Variants in PCNX4 observed in about 807,000 individuals in gnomAD.
PCNX4 encodes pecanex 4.
PCNX4 carries 103 observed loss-of-function variants against 107.2 expected under a neutral mutation model. That is an observed-to-expected ratio of 0.96 (90% CI 0.82 to 1.13). The LOEUF is 1.13. PCNX4 is among the 50% of genes most tolerant of loss of function. The pLI is 0.00. For missense variants in PCNX4, 1,528 were observed against 1,379.4 expected (o/e 1.11, Z -1.71); for synonymous variants, 541 against 481.7 (o/e 1.12, Z -1.61).
chr14:60,092,238 T>G lies in PCNX4; in HGVS notation c.-235T>G, dbSNP rs1179761383. On this transcript the variant is annotated 5_prime_UTR_variant, in exon 1 of 11. It removes an upstream start codon present in the reference 5' UTR. Coordinates refer to ENST00000406854, the MANE Select transcript of PCNX4 (RefSeq NM_001330177.2). ...CGGCCGCCGGAGTAGACGTTAGCCA[T>G]GGAAACCGAGAGCTGGCCCGGGCGG... The G allele has an allele frequency of 6.6e-6, 1 of 152,242 alleles. No homozygotes were observed. The highest frequency in any genetic ancestry group is 1.5e-5 in the Non-Finnish European group (1 of 68,050). The allele number at this position is 152,242 out of a possible 1,614,324, so 9.4% of individuals were successfully genotyped here.
At chr14:60,119,927 C>T (rs780750196) in intron 7 of PCNX4, among the ~76,000 whole-genome samples, 6 of 152,102 alleles carry the variant, frequency 3.9e-5, no homozygotes, top group Non-Finnish European at 7.4e-5. Context: ...TTTGTACAAC[C>T]ACTTTGAAGA....
intron 2 of PCNX4, among the ~76,000 whole-genome samples, chr14:60,112,094 C>T (rs375992584): frequency 6.6e-6 from 1 of 152,078 alleles, no homozygotes; most frequent in Non-Finnish European, 1.5e-5. Flanking sequence ...ATTTTCCTTC[C>T]CCATTCTTTA....
At position 60,125,623 on chromosome 14, in the gene PCNX4, T is replaced by C; in HGVS notation, c.3081-14T>C. On this transcript the variant is annotated splice_polypyrimidine_tract_variant and intron_variant, in intron 9 of 10. Coordinates refer to ENST00000406854, the MANE Select transcript of PCNX4 (RefSeq NM_001330177.2). Reference sequence around the variant, plus strand: ...CAAATATTCTAAAATTCTTCGGTTCTCCATTTTTTTTAGGTATACTCTGAA... The same window carrying C: ...CAAATATTCTAAAATTCTTCGGTTCCCCATTTTTTTTAGGTATACTCTGAA... The C allele has an allele frequency of 6.9e-7, 1 of 1,445,022 alleles. No individual in the cohort carries two copies. The highest frequency in any genetic ancestry group is 9.1e-7 in the Non-Finnish European group (1 of 1,094,348). 89.5% of individuals were successfully genotyped at this position (1,445,022 alleles called of 1,614,324 possible).
At chr14:60,121,141 A>G in intron 7 of PCNX4, 55 bp from the exon 8 acceptor site, 3 of 1,542,826 alleles carry the variant, frequency 1.9e-6, no homozygotes, top group Non-Finnish European at 2.6e-6. Flanking sequence ...GCAAAATAAA[A>G]GAAGTTTGAA....
At chr14:60,128,096 A>G (rs1566520405) in intron 10 of PCNX4, among the ~76,000 whole-genome samples, 1 of 152,344 alleles carries the variant, frequency 6.6e-6, no homozygotes, top group East Asian at 1.9e-4. Flanking sequence ...CTTCAGAGAA[A>G]CGTGGAACAC....
chr14:60,101,616 G>A (rs1259157281), intron 1 of PCNX4, among the ~76,000 whole-genome samples: 6 of 152,046 alleles, frequency 3.9e-5, no homozygotes, highest in African/African-American at 1.4e-4. Context: ...TGGAGGAATT[G>A]GAACCCTTGT....
intron 10 of PCNX4, among the ~76,000 whole-genome samples, chr14:60,126,820 G>A (rs1436056548): frequency 6.6e-6 from 1 of 152,210 alleles, no homozygotes; most frequent in East Asian, 1.9e-4. Flanking sequence ...TGATGCCACT[G>A]AAAATACTGG....
In PCNX4 at chr14:60,094,301, T is replaced by C. The variant is rs763596931; in HGVS notation, c.-54+1882T>C. Among the ~76,000 whole-genome samples, 3 of 108,918 alleles carry C rather than the reference T, an allele frequency of 2.8e-5. No individual in the cohort carries two copies. The Admixed American group carries it at 3.3e-4, about 12-fold the overall frequency. The allele number at this position is 108,918 out of a possible 152,430, so 71.5% of individuals were successfully genotyped here. On this transcript the variant is annotated intron_variant, in intron 1 of 10. Transcript: ENST00000406854. ...TGTAGATTCCTCTTGGACCCACTTT[T>C]CTCCAAAGAACCCTATTCCCCCAAG...
At chr14:60,133,236 T>C (rs1260407480) in intron 10 of PCNX4, among the ~76,000 whole-genome samples, 1 of 152,206 alleles carries the variant, frequency 6.6e-6, no homozygotes, top group East Asian at 1.9e-4. Flanking sequence ...TATATCCATA[T>C]GATGGAATAT....
In PCNX4 at chr14:60,134,652, G is replaced by A. The variant is rs1177840788; in HGVS notation, c.*431G>A. 1.3e-5 allele frequency: 2 copies of A among 153,784 alleles called. No homozygotes were observed. The highest frequency in any genetic ancestry group is 1.9e-4 in the East Asian group (1 of 5,220). 9.5% of individuals were successfully genotyped at this position (153,784 alleles called of 1,614,324 possible). ...ATCCTGTTGAAGGTTAACATAATGT[G>A]TATATATTTGTTTGAAATATAATTT... On this transcript the variant is annotated 3_prime_UTR_variant, in exon 11 of 11. Coordinates refer to ENST00000406854, the MANE Select transcript of PCNX4 (RefSeq NM_001330177.2).
rs1400808274 is a variant in PCNX4, at chr14:60,139,237, G to A, written c.*5016G>A. 2.0e-5 allele frequency: 3 copies of A among 151,898 alleles called. No homozygotes were observed. The highest frequency in any genetic ancestry group is 7.3e-5 in the African/African-American group (3 of 41,378). The allele number at this position is 151,898 out of a possible 1,614,324, so 9.4% of individuals were successfully genotyped here. ...TATGCAAGAGATGTCTTAAGTATAGGAATACAAAGGTTTGAAGTAAACAAG... is the reference window on the plus strand; with the variant it reads ...TATGCAAGAGATGTCTTAAGTATAGAAATACAAAGGTTTGAAGTAAACAAG... On this transcript the variant is annotated 3_prime_UTR_variant, in exon 11 of 11. Transcript: ENST00000406854.
At chr14:60,094,099 TAA>T (rs1275198805) in intron 1 of PCNX4, among the ~76,000 whole-genome samples, 23 of 152,230 alleles carry the variant, frequency 1.5e-4, no homozygotes, top group Non-Finnish European at 2.9e-4. Context: ...AGTCTAGCTA[TAA>T]GTCATATATA....
At position 60,121,300 on chromosome 14, in the gene PCNX4, G is replaced by C; in HGVS notation, c.2046+1G>C. The C allele has an allele frequency of 6.2e-7, 1 of 1,606,818 alleles. No homozygotes were observed. The highest frequency in any genetic ancestry group is 8.5e-7 in the Non-Finnish European group (1 of 1,176,852). On this transcript the variant is annotated splice_donor_variant, in intron 8 of 10. Transcript: ENST00000406854. LOFTEE classifies it high-confidence loss of function. Reference sequence around the variant, plus strand: ...TACTTACTGCTCTATTAACATTAAGGTCAGTGTGCATATAAAACATCTGTA... The same window carrying C: ...TACTTACTGCTCTATTAACATTAAGCTCAGTGTGCATATAAAACATCTGTA...
chr14:60,113,589 G>A (rs923845059), intron 2 of PCNX4, among the ~76,000 whole-genome samples: 26 of 152,068 alleles, frequency 1.7e-4, no homozygotes, highest in African/African-American at 5.8e-4. Flanking sequence ...GGCTGGTCTC[G>A]AACTCCTGAC....
rs1039329796 is a variant in PCNX4 at position 60,139,113 on chromosome 14, G to A, written c.*4892G>A. On this transcript the variant is annotated 3_prime_UTR_variant, in exon 11 of 11. Coordinates refer to ENST00000406854, the MANE Select transcript of PCNX4 (RefSeq NM_001330177.2). ...ATAGAAATCAAACAGTAGATTAGGA[G>A]GTTTAAATATCAGTTACAACATTCA... is the stretch of plus-strand genomic sequence containing the variant. The A allele has an allele frequency of 1.2e-4, 18 of 152,070 alleles. No homozygotes were observed. The highest frequency in any genetic ancestry group is 4.3e-4 in the African/African-American group (18 of 41,532). 9.4% of individuals were successfully genotyped at this position (152,070 alleles called of 1,614,324 possible).
Position 60,137,130 on chromosome 14 carries a change from T to C in PCNX4, c.*2909T>C, listed in dbSNP as rs2140574323. The C allele has an allele frequency of 6.6e-6, 1 of 152,314 alleles. No individual in the cohort carries two copies. The highest frequency in any genetic ancestry group is 1.9e-4 in the East Asian group (1 of 5,190). The allele number at this position is 152,314 out of a possible 1,614,324, so 9.4% of individuals were successfully genotyped here. ...TAGAGAACCAAAAGACAGTGAAGAA[T>C]AACATCACTAAGATCTAAGACAGAA... On this transcript the variant is annotated 3_prime_UTR_variant, in exon 11 of 11. Coordinates refer to ENST00000406854, the MANE Select transcript of PCNX4 (RefSeq NM_001330177.2).
At chr14:60,105,044 A>G (rs1053164532) in intron 1 of PCNX4, among the ~76,000 whole-genome samples, 2 of 152,206 alleles carry the variant, frequency 1.3e-5, no homozygotes, top group Non-Finnish European at 2.9e-5. Context: ...TGTTTGCATT[A>G]TACCAATTAT....
Position 60,138,772 on chromosome 14 carries a change from G to A in PCNX4, c.*4551G>A, listed in dbSNP as rs1164142104. On this transcript the variant is annotated 3_prime_UTR_variant, in exon 11 of 11. Coordinates refer to ENST00000406854, the MANE Select transcript of PCNX4 (RefSeq NM_001330177.2). ...ATCCCAGAAAAAGGTTAGAGATAAA[G>A]GTAGGAATGAACAGTAATTTAAAAA... The A allele has an allele frequency of 6.6e-6, 1 of 151,948 alleles. No homozygotes were observed. The highest frequency in any genetic ancestry group is 2.4e-5 in the African/African-American group (1 of 41,378). The allele number at this position is 151,948 out of a possible 1,614,324, so 9.4% of individuals were successfully genotyped here. A position where few individuals can be genotyped will look rare whatever the true frequency, so the allele number is the denominator to read the frequency against.
chr14:60,111,490 A>T (rs1895740078), intron 2 of PCNX4, among the ~76,000 whole-genome samples: 1 of 152,218 alleles, frequency 6.6e-6, no homozygotes, highest in Admixed American at 6.5e-5. Context: ...AATTGAGTTT[A>T]AATGTGTGTA....
Sources: gnomAD v4.1 joint callset for allele counts (sites outside exome capture counted in the v4.1 genomes callset) on GRCh38, gnomAD v4.1.1 for gene constraint, MANE v1.5 for transcripts, NCBI Gene and HGNC (gene_info 2026-07-23, HGNC 2026-07-21) for gene names.